Variants in PTPRT observed in about 807,000 individuals in gnomAD.
PTPRT encodes receptor-type tyrosine-protein phosphatase T.
A neutral mutation model predicts 176.8 loss-of-function variants in PTPRT; 56 were observed. The ratio of observed to expected loss-of-function variants is 0.32; its 90% CI spans 0.26 to 0.40. The LOEUF (loss-of-function observed/expected upper bound fraction) is 0.40. PTPRT is among the 10% of genes least tolerant of loss of function. The probability of loss-of-function intolerance (pLI) is 1.00; values close to 1 mark genes in which losing one functional copy is unlikely to be tolerated. For missense variants in PTPRT, 1,540 were observed against 1,908.2 expected (o/e 0.81, Z 3.60); for synonymous variants, 783 against 739.0 (o/e 1.06, Z -0.96).
intron 1 of PTPRT, among the ~76,000 whole-genome samples, chr20:43,015,947 A>AG (rs1204695937): frequency 1.4e-5 from 2 of 141,098 alleles, no homozygotes; most frequent in East Asian, 3.9e-4. Flanking sequence ...TATTTCAAAA[A>AG]GAAAAAAAAA....
At chr20:42,430,715 A>G (rs2059209280) in intron 9 of PTPRT, among the ~76,000 whole-genome samples, 1 of 152,210 alleles carries the variant, frequency 6.6e-6, no homozygotes, top group Non-Finnish European at 1.5e-5. Context: ...GGGGAAAGGG[A>G]GTGAACAGGA....
intron 6 of PTPRT, among the ~76,000 whole-genome samples, chr20:42,720,126 G>C (rs561176456): frequency 3.9e-5 from 6 of 152,306 alleles, no homozygotes; most frequent in African/African-American, 1.4e-4. Flanking sequence ...AGGGAAAAAA[G>C]AAATCCTTCA....
At position 43,189,410 on chromosome 20, in the gene PTPRT, A is replaced by G. The variant is rs2015479658; in HGVS notation, c.88+236T>C. 6.6e-6 allele frequency among the ~76,000 whole-genome samples: 1 copy of G among 152,048 alleles called. No homozygotes were observed. The highest frequency in any genetic ancestry group is 2.1e-4 in the South Asian group (1 of 4,826). ...GCCCGGGGGGCCGGCAGGAAACTGA[A>G]GCGGGGAACTTCGCCAAACGCGGGC... On this transcript the variant is annotated intron_variant, in intron 1 of 30. Transcript: ENST00000373187. The surrounding 1 kb of genome is among the most constrained non-coding windows in gnomAD (Gnocchi z 5.0).
chr20:42,612,215 T>C (rs534804878), intron 7 of PTPRT, among the ~76,000 whole-genome samples: 23 of 152,306 alleles, frequency 1.5e-4, no homozygotes, highest in Non-Finnish European at 2.5e-4. Flanking sequence ...TGTTCTTCGA[T>C]ATATGACAAA....
the PTPRT span, among the ~76,000 whole-genome samples, chr20:42,037,171 G>T: frequency 8.5e-5 from 13 of 152,154 alleles, no homozygotes; most frequent in Non-Finnish European, 1.9e-4. Context: ...GTGCAAAGTG[G>T]GTCAAGTAAA....
chr20:42,032,503 G>C, the PTPRT span, among the ~76,000 whole-genome samples: 2 of 152,276 alleles, frequency 1.3e-5, no homozygotes, highest in African/African-American at 2.4e-5. Context: ...AAGGGGAAAG[G>C]CCACTCATTT....
chr20:43,084,558 C>G (rs2011553358), intron 1 of PTPRT, among the ~76,000 whole-genome samples: 1 of 152,188 alleles, frequency 6.6e-6, no homozygotes, highest in South Asian at 2.1e-4. Flanking sequence ...CACCTGCCAC[C>G]AGGTCCCTCC....
intron 9 of PTPRT, among the ~76,000 whole-genome samples, chr20:42,357,730 G>A (rs6072696): frequency 0.3 from 45,363 of 151,724 alleles, 7,217 homozygotes; most frequent in East Asian, 0.67. Context: ...GCAAAACAGC[G>A]AGACCCCATC....
At chr20:42,448,133 T>C in intron 9 of PTPRT, 87 bp downstream of exon 9, 1 of 1,038,892 alleles carries the variant, frequency 9.6e-7, no homozygotes, top group Admixed American at 1.7e-5. Context: ...CCTTTATACG[T>C]TCAGCAGAAT....
At chr20:42,046,495 G>A in the PTPRT span, among the ~76,000 whole-genome samples, 1 of 152,202 alleles carries the variant, frequency 6.6e-6, no homozygotes, top group Non-Finnish European at 1.5e-5. Flanking sequence ...ATCAGCTTCT[G>A]ACATTAACCC....
At chr20:42,178,332 A>G (rs1463959431) in intron 16 of PTPRT, among the ~76,000 whole-genome samples, 1 of 152,172 alleles carries the variant, frequency 6.6e-6, no homozygotes, top group Non-Finnish European at 1.5e-5. Flanking sequence ...AGTCAATGTT[A>G]CAGGGAAACA....
At chr20:42,997,062 T>C (rs1170981968) in intron 1 of PTPRT, among the ~76,000 whole-genome samples, 1 of 152,156 alleles carries the variant, frequency 6.6e-6, no homozygotes, top group Non-Finnish European at 1.5e-5. Flanking sequence ...AGAATTGACA[T>C]AGCCTTTCTA....
chr20:42,776,047 C>T (rs2077130546), intron 4 of PTPRT, among the ~76,000 whole-genome samples: 1 of 152,162 alleles, frequency 6.6e-6, no homozygotes, highest in African/African-American at 2.4e-5. Flanking sequence ...CAGGGCCCCT[C>T]ACCAGGCAGC....
chr20:42,756,445 A>T lies in PTPRT; in HGVS notation c.859+17T>A. 1.3e-6 allele frequency: 2 copies of T among 1,516,006 alleles called. No individual in the cohort carries two copies. The highest frequency in any genetic ancestry group is 1.8e-6 in the Non-Finnish European group (2 of 1,126,946). 93.9% of individuals were successfully genotyped at this position (1,516,006 alleles called of 1,614,324 possible). ...CAACCTTCCATGGCAGTAGAGGCGCAGGCTGGAGGCACTCACCTTTCACGA... is the reference window on the plus strand; with the variant it reads ...CAACCTTCCATGGCAGTAGAGGCGCTGGCTGGAGGCACTCACCTTTCACGA... On this transcript the variant is annotated intron_variant, in intron 6 of 30. Coordinates refer to ENST00000373187, the MANE Select transcript of PTPRT (RefSeq NM_007050.6).
At chr20:42,779,527 G>T (rs952721744) in intron 4 of PTPRT, among the ~76,000 whole-genome samples, 2 of 152,060 alleles carry the variant, frequency 1.3e-5, no homozygotes, top group Non-Finnish European at 2.9e-5. Context: ...AATGTCACTG[G>T]GTATGATGTC....
At chr20:42,729,150 A>G (rs1409247566) in intron 6 of PTPRT, among the ~76,000 whole-genome samples, 1 of 152,190 alleles carries the variant, frequency 6.6e-6, no homozygotes, top group Non-Finnish European at 1.5e-5. Context: ...ACACTGAAAG[A>G]AGGCTCTGGA....
chr20:42,072,058 A>G (rs6130026), downstream of PTPRT, among the ~76,000 whole-genome samples: 36,498 of 152,136 alleles, frequency 0.24, 4,762 homozygotes, highest in Non-Finnish European at 0.3. Context: ...GCTCTGTCCA[A>G]GGGGATGTTG....
Position 42,604,154 on chromosome 20 carries a change from C to T in PTPRT, c.1153+73712G>A, listed in dbSNP as rs546406415. 1.5e-4 allele frequency among the ~76,000 whole-genome samples: 23 copies of T among 152,274 alleles called. 1 individual carries two copies. The highest frequency in any genetic ancestry group is 1.4e-3 in the Admixed American group (21 of 15,298). The stretch of plus-strand genomic sequence containing the variant: ...GCAGACATGGGGCCTAATCAGAACT[C>T]CCACTGAAGCTGGACGGCCTTGAGT... On this transcript the variant is annotated intron_variant, in intron 7 of 30. Transcript: ENST00000373187.
At chr20:42,546,911 T>C (rs2072685860) in intron 7 of PTPRT, among the ~76,000 whole-genome samples, 1 of 152,116 alleles carries the variant, frequency 6.6e-6, no homozygotes, top group Admixed American at 6.5e-5. Flanking sequence ...AGATCACTTA[T>C]TACATATCAC....
Sources: gnomAD v4.1 joint callset for allele counts (sites outside exome capture counted in the v4.1 genomes callset) on GRCh38, gnomAD v4.1.1 for gene constraint, Gnocchi (gnomAD v3.1) non-coding constraint, MANE v1.5 for transcripts, NCBI Gene and HGNC (gene_info 2026-07-23, HGNC 2026-07-21) for gene names.